Variants in HFM1 observed in about 807,000 individuals in gnomAD.
HFM1 encodes the protein helicase for meiosis 1.
Under a neutral mutation model 192.1 loss-of-function variants are expected in HFM1, and 169 were observed. The ratio of observed to expected loss-of-function variants is 0.88; its 90% CI spans 0.78 to 1.00. The LOEUF (loss-of-function observed/expected upper bound fraction) is 1.00. Ranked by LOEUF, HFM1 falls within the 50% of genes least tolerant of loss-of-function variation. HFM1 has a pLI of 0.00. For synonymous variants in HFM1, 525 were observed against 537.8 expected (o/e 0.98, Z 0.33); for missense variants, 1,661 against 1,668.0 (o/e 1.00, Z 0.07).
intron 13 of HFM1, among the ~76,000 whole-genome samples, chr1:91,369,830 T>C (rs1188212923): frequency 6.6e-6 from 1 of 151,718 alleles, no homozygotes. Flanking sequence ...TCAACAAAAT[T>C]GATAAACCAC....
intron 30 of HFM1, among the ~76,000 whole-genome samples, chr1:91,309,520 A>G (rs1650130381): frequency 6.6e-6 from 1 of 152,244 alleles, no homozygotes; most frequent in Non-Finnish European, 1.5e-5. Context: ...TAATTTTACT[A>G]TTGAGATACA....
chr1:91,288,774 TC>T (rs1668327725), intron 30 of HFM1, among the ~76,000 whole-genome samples: 1 of 152,230 alleles, frequency 6.6e-6, no homozygotes, highest in Non-Finnish European at 1.5e-5. Context: ...TATGTCTACT[TC>T]TTTCTACACA....
rs537314053 is a variant in HFM1 at position 91,307,940 on chromosome 1, T to C, written c.3391+5409A>G. Among the ~76,000 whole-genome samples the C allele has an allele frequency of 2.0e-5, 3 of 152,334 alleles. No homozygotes were observed. In the South Asian group the frequency reaches 6.2e-4, roughly 32 times the overall value. On this transcript the variant is annotated intron_variant, in intron 30 of 38. Coordinates refer to ENST00000370425, the MANE Select transcript of HFM1 (RefSeq NM_001017975.6). ...TAGCATTTTGAATATGACATTCCAT[T>C]GTCTTCTGTTTTCCATCATTATTGT...
intron 25 of HFM1, among the ~76,000 whole-genome samples, 163 bp downstream of exon 25, chr1:91,318,915 G>A (rs1289988257): frequency 6.6e-6 from 1 of 152,196 alleles, no homozygotes; most frequent in South Asian, 2.1e-4. Flanking sequence ...CCTTTAAGCA[G>A]GAGCAAAGGA....
intron 23 of HFM1, 52 bp from the exon 24 acceptor site, chr1:91,319,442 C>T (rs1470724944): frequency 8.7e-7 from 1 of 1,143,458 alleles, no homozygotes; most frequent in Non-Finnish European, 1.3e-6. Context: ...ATCTATCTCC[C>T]AGTATTTGAT....
At chr1:91,403,542 G>C (rs771832771) in intron 1 of HFM1, among the ~76,000 whole-genome samples, 3 of 152,050 alleles carry the variant, frequency 2.0e-5, no homozygotes, top group Non-Finnish European at 4.4e-5. Context: ...GATGTGAGGG[G>C]ATGCTATTTT....
intron 20 of HFM1, among the ~76,000 whole-genome samples, chr1:91,342,151 A>AAAAAAAAAAAAAAAAAC (rs58288889): frequency 1.8e-5 from 2 of 111,800 alleles, no homozygotes; most frequent in Non-Finnish European, 3.5e-5. Context: ...AAAAAAAAAA[A>AAAAAAAAAAAAAAAAAC]TTCAGGCGAA....
intron 2 of HFM1, among the ~76,000 whole-genome samples, chr1:91,398,319 T>C (rs369619777): frequency 6.6e-6 from 1 of 152,234 alleles, no homozygotes; most frequent in Non-Finnish European, 1.5e-5. Context: ...AACCATAGTA[T>C]CTTTTTTACT....
At chr1:91,366,504 C>G (rs575664844) in intron 13 of HFM1, among the ~76,000 whole-genome samples, 4 of 152,312 alleles carry the variant, frequency 2.6e-5, no homozygotes, top group African/African-American at 9.6e-5. Context: ...CTACTTACAG[C>G]CTCTCTACCC....
Position 91,319,359 on chromosome 1 carries a change from T to C in HFM1, c.2614A>G (p.Ile872Val), listed in dbSNP as rs148748547. 540 of 1,612,730 alleles carry C rather than the reference T, an allele frequency of 3.3e-4. No individual in the cohort carries two copies. The highest frequency in any genetic ancestry group is 4.4e-4 in the Non-Finnish European group (521 of 1,178,806). ...TCTTGTGTCAAAGCAAAATCTTGTA[T>C]GGGAATGCATCCTAGTTGAGCCTGA... ...LIQAQLGCIP[I>V]QDFALTQDTA... Residue 872 changes from isoleucine to valine, a missense_variant, in exon 24 of 39, where the codon ATA becomes GTA. Ile to Val is a conservative substitution (Grantham distance 29, BLOSUM62 3). Transcript: ENST00000370425.
intron 30 of HFM1, among the ~76,000 whole-genome samples, chr1:91,288,589 G>A (rs1668309608): frequency 6.6e-6 from 1 of 151,942 alleles, no homozygotes. Flanking sequence ...CTCTTAAGGA[G>A]TATGCTGCCT....
intron 18 of HFM1, among the ~76,000 whole-genome samples, chr1:91,349,205 T>G (rs528628997): frequency 6.6e-6 from 1 of 152,038 alleles, no homozygotes; most frequent in South Asian, 2.1e-4. Context: ...AGAGAATTGC[T>G]TGAACCTGTG....
rs1347479234 is a variant in HFM1 at position 91,380,118 on chromosome 1, A to T, written c.992T>A (p.Ile331Asn). 7.2e-7 allele frequency: 1 copy of T among 1,396,560 alleles called. No individual in the cohort carries two copies. Among genetic ancestry groups the T allele is most frequent in the Non-Finnish European group, 9.8e-7 (1 of 1,017,980 alleles). 86.5% of individuals were successfully genotyped at this position (1,396,560 alleles called of 1,614,324 possible). A position where few individuals can be genotyped will look rare whatever the true frequency, so the allele number is the denominator to read the frequency against. ...TAAATACTTACTGTAAACAATTTTA[A>T]TATTCAACCATGGCAATGGTACTTC... ...LMEVPLPWLNIKIVYMAPIKA... is the reference protein window; with the variant it reads ...LMEVPLPWLNNKIVYMAPIKA... The change falls in exon 8 of 39, where the codon ATT becomes AAT. Residue 331 changes from isoleucine (I) to asparagine (N), a missense_variant. By Grantham distance (149) the Ile-to-Asn change is moderately radical. Transcript: ENST00000370425.
In HFM1 at chr1:91,380,227, T is replaced by C. The variant is rs776981718; in HGVS notation, c.883A>G (p.Thr295Ala). ...GCACAAATCACAAAATTCCTATCTG[T>C]GTAAAGAAGCTAAAAAATAAAAAGT... ...QSKAFDDLLYTDRNFVICAPT... is the reference protein window; with the variant it reads ...QSKAFDDLLYADRNFVICAPT... The change falls in exon 8 of 39, where the codon ACA becomes GCA. Residue 295 changes from threonine (T) to alanine (A), a missense_variant. By Grantham distance (58) the Thr-to-Ala change is moderately conservative. Transcript: ENST00000370425. The C allele has an allele frequency of 6.5e-6, 10 of 1,546,066 alleles. No individual in the cohort carries two copies. The Admixed American group carries it at 8.0e-5, about 12-fold the overall frequency.
intron 4 of HFM1, among the ~76,000 whole-genome samples, chr1:91,387,042 C>T (rs1662289859): frequency 6.6e-6 from 1 of 152,196 alleles, no homozygotes; most frequent in African/African-American, 2.4e-5. Context: ...GATCAAAAGA[C>T]AATCTATCGA....
chr1:91,350,772 A>T lies in HFM1; in HGVS notation c.2172T>A (p.Leu724=). ...ATGGATTTTTCAAGGCTCTGATATA[A>T]AGCAGAGTTGATCGTATCCATTCCA... ...IAVEWIRSTL[L]YIRALKNPSH... The change falls in exon 18 of 39, where the codon CTT becomes CTA. Residue 724 remains leucine, a synonymous_variant. Transcript: ENST00000370425. The T allele has an allele frequency of 6.2e-7, 1 of 1,611,852 alleles. No individual in the cohort carries two copies. The highest frequency in any genetic ancestry group is 8.5e-7 in the Non-Finnish European group (1 of 1,178,876).
chr1:91,374,366 A>G (rs1394245545), intron 13 of HFM1, among the ~76,000 whole-genome samples: 1 of 151,910 alleles, frequency 6.6e-6, no homozygotes, highest in Non-Finnish European at 1.5e-5. Flanking sequence ...TAGATTTGCA[A>G]TCTTACACAA....
intron 13 of HFM1, among the ~76,000 whole-genome samples, chr1:91,374,513 T>A (rs530764170): frequency 1.3e-5 from 2 of 152,200 alleles, no homozygotes; most frequent in African/African-American, 4.8e-5. Flanking sequence ...AAATGACATA[T>A]TTGAGATATA....
chr1:91,289,156 G>A (rs1454269401), intron 30 of HFM1, among the ~76,000 whole-genome samples: 6 of 151,458 alleles, frequency 4.0e-5, no homozygotes, highest in African/African-American at 9.7e-5. Flanking sequence ...GGGGCAGCCA[G>A]TCAGAGACGC....
Sources: allele counts gnomAD v4.1 joint callset (sites outside exome capture counted in the v4.1 genomes callset), GRCh38; gene constraint gnomAD v4.1.1; transcripts MANE v1.5; gene names NCBI Gene and HGNC (gene_info 2026-07-23, HGNC 2026-07-21).